Variants in BMP2 observed in about 807,000 individuals in gnomAD.
BMP2 encodes the protein bone morphogenetic protein 2A.
A neutral mutation model predicts 28.8 loss-of-function variants in BMP2; 2 were observed. That is an observed-to-expected ratio of 0.07 (90% CI 0.03 to 0.22). BMP2 has a LOEUF of 0.22. Ranked by LOEUF, BMP2 falls within the 10% of genes least tolerant of loss-of-function variation. The probability of loss-of-function intolerance (pLI) is 1.00; values close to 1 mark genes in which losing one functional copy is unlikely to be tolerated. For synonymous variants in BMP2, 218 were observed against 204.3 expected (o/e 1.07, Z -0.57); for missense variants, 437 against 517.7 (o/e 0.84, Z 1.51).
intron 2 of BMP2, among the ~76,000 whole-genome samples, chr20:6,773,001 C>T (rs1986429942): frequency 6.6e-6 from 1 of 152,152 alleles, no homozygotes; most frequent in Non-Finnish European, 1.5e-5. Flanking sequence ...GTTGGAAACA[C>T]ATTGAAACTG....
chr20:6,770,030 C>A (rs891128844), intron 1 of BMP2, 90 bp from the exon 2 acceptor site: 1 of 1,351,286 alleles, frequency 7.4e-7, no homozygotes, highest in South Asian at 1.4e-5. Context: ...GGAGGAGGCA[C>A]GCCAGCCAAA....
At chr20:6,771,909 A>G (rs1227292042) in intron 2 of BMP2, among the ~76,000 whole-genome samples, 1 of 152,210 alleles carries the variant, frequency 6.6e-6, no homozygotes, top group Non-Finnish European at 1.5e-5. Context: ...TAACCCTGAA[A>G]TGATTATAGA....
chr20:6,775,505 AT>A (rs1302672200), intron 2 of BMP2, among the ~76,000 whole-genome samples: 1 of 152,090 alleles, frequency 6.6e-6, no homozygotes, highest in Non-Finnish European at 1.5e-5. Context: ...CGTATCGCCT[AT>A]TATTATTTGC....
At chr20:6,775,671 T>C (rs1986485871) in intron 2 of BMP2, among the ~76,000 whole-genome samples, 3 of 152,150 alleles carry the variant, frequency 2.0e-5, no homozygotes. Flanking sequence ...TGTCATTTAA[T>C]TTTTTGGGAG....
rs919142059 is a variant in BMP2, at chr20:6,779,824, A to G, written c.*735A>G. 6.6e-5 allele frequency: 10 copies of G among 152,390 alleles called. No homozygotes were observed. In the South Asian group the frequency reaches 8.3e-4, roughly 13 times the overall value. 9.4% of individuals were successfully genotyped at this position (152,390 alleles called of 1,614,324 possible). A position where few individuals can be genotyped will look rare whatever the true frequency, so the allele number is the denominator to read the frequency against. ...TTACAGAAAGAATAAAGCAGGATCC[A>G]TAGAAATAATTAGGAAAACGATGAA... is the stretch of plus-strand genomic sequence containing the variant. On this transcript the variant is annotated 3_prime_UTR_variant, in exon 3 of 3. Transcript: ENST00000378827.
chr20:6,778,663 C>T lies in BMP2; in HGVS notation c.765C>T (p.His255=). The T allele has an allele frequency of 6.2e-7, 1 of 1,614,148 alleles. No individual in the cohort carries two copies. Among genetic ancestry groups the T allele is most frequent in the Non-Finnish European group, 8.5e-7 (1 of 1,180,004 alleles). Residue 255 remains histidine (H), a synonymous_variant, in exon 3 of 3, where the codon CAC becomes CAT. Coordinates refer to ENST00000378827, the MANE Select transcript of BMP2 (RefSeq NM_001200.4). The surrounding 1 kb of genome is among the most constrained non-coding windows in gnomAD (Gnocchi z 5.0). ...GCAGGTCTTTGCACCAAGATGAACACAGCTGGTCACAGATAAGGCCATTGC... is the reference window on the plus strand; with the variant it reads ...GCAGGTCTTTGCACCAAGATGAACATAGCTGGTCACAGATAAGGCCATTGC... ...RISRSLHQDE[H]SWSQIRPLLV... is the part of the protein sequence containing the mutation.
At position 6,768,770 on chromosome 20, in the gene BMP2, C is replaced by T. The variant is rs1282408777; in HGVS notation, c.-113C>T. The T allele has an allele frequency of 2.5e-5, 10 of 398,440 alleles. No homozygotes were observed. The highest frequency in any genetic ancestry group is 1.3e-5 in the Non-Finnish European group (3 of 226,046). 24.7% of individuals were successfully genotyped at this position (398,440 alleles called of 1,614,324 possible). A position where few individuals can be genotyped will look rare whatever the true frequency, so the allele number is the denominator to read the frequency against. On this transcript the variant is annotated 5_prime_UTR_variant, in exon 1 of 3. Transcript: ENST00000378827. ...GGAGGAGGCAAAGAAAAGGAACGGACATTCGGTCCTTGCGCCAGGTCCTTT... is the reference window on the plus strand; with the variant it reads ...GGAGGAGGCAAAGAAAAGGAACGGATATTCGGTCCTTGCGCCAGGTCCTTT...
chr20:6,773,893 A>AT lies in BMP2; in HGVS notation c.346+3427dup, dbSNP rs886367857. 3.0e-4 allele frequency among the ~76,000 whole-genome samples: 45 copies of AT among 151,970 alleles called. No individual in the cohort carries two copies. In the East Asian group the frequency reaches 8.5e-3, roughly 29 times the overall value. On this transcript the variant is annotated intron_variant, in intron 2 of 2. Coordinates refer to ENST00000378827, the MANE Select transcript of BMP2 (RefSeq NM_001200.4). ...TGTTGTTGTTGTTGTTTTACTGGAG[A>AT]TTTTTTAGCCCAAAGTGTGTTTTAA...
At chr20:6,774,025 A>G (rs1252926080) in intron 2 of BMP2, among the ~76,000 whole-genome samples, 1 of 152,184 alleles carries the variant, frequency 6.6e-6, no homozygotes, top group East Asian at 1.9e-4. Context: ...TAAAATAGAC[A>G]CATTCCAGTG....
At position 6,778,919 on chromosome 20, in the gene BMP2, A is replaced by G; in HGVS notation, c.1021A>G (p.Asn341Asp). The part of the protein sequence containing the change: ...FPLADHLNST[N>D]HAIVQTLVNS... ...TCTGGCTGATCATCTGAACTCCACTAATCATGCCATTGTTCAGACGTTGGT... is the reference window on the plus strand; with the variant it reads ...TCTGGCTGATCATCTGAACTCCACTGATCATGCCATTGTTCAGACGTTGGT... Residue 341 changes from asparagine (N) to aspartate (D), a missense_variant, in exon 3 of 3, where the codon AAT (asparagine) becomes GAT (aspartate). This residue lies in a region of BMP2 where 74 missense variants were observed against 124.9 expected (regional missense o/e 0.59). Coordinates refer to ENST00000378827, the MANE Select transcript of BMP2 (RefSeq NM_001200.4). The surrounding 1 kb of genome is among the most constrained non-coding windows in gnomAD (Gnocchi z 5.0). 1 of 1,613,946 alleles carries G rather than the reference A, an allele frequency of 6.2e-7. No homozygotes were observed. The highest frequency in any genetic ancestry group is 8.5e-7 in the Non-Finnish European group (1 of 1,180,002).
intron 2 of BMP2, 130 bp downstream of exon 2, chr20:6,770,602 T>C: frequency 2.3e-6 from 2 of 887,804 alleles, no homozygotes; most frequent in Non-Finnish European, 3.3e-6. Context: ...CTTGCTTCTG[T>C]ACTATCGTTT....
At position 6,779,855 on chromosome 20, in the gene BMP2, A is replaced by C. The variant is rs1986589847; in HGVS notation, c.*766A>C. Reference sequence around the variant, plus strand: ...ATAATTAGGAAAACGATGAACCTGCAGGAAAGTGAATGATGGTTTGTTGTT... The same window carrying C: ...ATAATTAGGAAAACGATGAACCTGCCGGAAAGTGAATGATGGTTTGTTGTT... On this transcript the variant is annotated 3_prime_UTR_variant, in exon 3 of 3. Transcript: ENST00000378827. 2 of 152,336 alleles carry C rather than the reference A, an allele frequency of 1.3e-5. No individual in the cohort carries two copies. Among genetic ancestry groups the C allele is most frequent in the African/African-American group, 4.8e-5 (2 of 41,472 alleles). The allele number at this position is 152,336 out of a possible 1,614,324, so 9.4% of individuals were successfully genotyped here. A position where few individuals can be genotyped will look rare whatever the true frequency, so the allele number is the denominator to read the frequency against.
At position 6,779,039 on chromosome 20, in the gene BMP2, G is replaced by C; in HGVS notation, c.1141G>C (p.Val381Leu). The C allele has an allele frequency of 1.9e-6, 3 of 1,612,994 alleles. No homozygotes were observed. Among genetic ancestry groups the C allele is most frequent in the Non-Finnish European group, 2.5e-6 (3 of 1,179,858 alleles). Reference protein sequence around the residue: ...MLYLDENEKVVLKNYQDMVVE... With the variant: ...MLYLDENEKVLLKNYQDMVVE... ...GTACCTTGACGAGAATGAAAAGGTTGTATTAAAGAACTATCAGGACATGGT... is the reference window on the plus strand; with the variant it reads ...GTACCTTGACGAGAATGAAAAGGTTCTATTAAAGAACTATCAGGACATGGT... Residue 381 changes from valine to leucine, a missense_variant, in exon 3 of 3, where the codon GTA becomes CTA. Transcript: ENST00000378827.
rs112449910 is a variant in BMP2 at position 6,778,819 on chromosome 20, C to T, written c.921C>T (p.Asp307=). Residue 307 remains aspartate (D), a synonymous_variant, in exon 3 of 3, where the codon GAC becomes GAT. Coordinates refer to ENST00000378827, the MANE Select transcript of BMP2 (RefSeq NM_001200.4). The surrounding 1 kb of genome is among the most constrained non-coding windows in gnomAD (Gnocchi z 5.0). ...ACCCTTTGTACGTGGACTTCAGTGA[C>T]GTGGGGTGGAATGACTGGATTGTGG... ...KRHPLYVDFS[D]VGWNDWIVAP... The T allele has an allele frequency of 2.1e-4, 338 of 1,614,096 alleles. No individual in the cohort carries two copies. In the Middle Eastern group the frequency reaches 5.8e-3, roughly 28 times the overall value.
At position 6,778,557 on chromosome 20, in the gene BMP2, G is replaced by T. The variant is rs868190033; in HGVS notation, c.659G>T (p.Gly220Val). ...TPAVMRWTAQ[G>V]HANHGFVVEV... ...GCTGTGATGCGGTGGACTGCACAGG[G>T]ACACGCCAACCATGGATTCGTGGTG... Residue 220 changes from glycine to valine, a missense_variant, in exon 3 of 3, where the codon GGA becomes GTA. Physicochemically the swap from Gly to Val is moderately radical, Grantham distance 109. Around this residue, in one of 2 missense-constraint regions of BMP2, gnomAD observed 363 missense variants for 392.8 expected, o/e 0.92. Transcript: ENST00000378827. This position sits in a 1 kb window ranked among gnomAD's most constrained non-coding sequence, Gnocchi z 5.0. 5.6e-6 allele frequency: 9 copies of T among 1,614,050 alleles called. No homozygotes were observed. Among genetic ancestry groups the T allele is most frequent in the Non-Finnish European group, 7.6e-6 (9 of 1,180,032 alleles).
At chr20:6,771,387 G>T (rs1300863426) in intron 2 of BMP2, among the ~76,000 whole-genome samples, 1 of 152,020 alleles carries the variant, frequency 6.6e-6, no homozygotes, top group African/African-American at 2.4e-5. Flanking sequence ...TGCTTCTTTG[G>T]CTTAATACAT....
In BMP2 at chr20:6,778,392, G is replaced by C; in HGVS notation, c.494G>C (p.Ser165Thr). The C allele has an allele frequency of 2.5e-6, 4 of 1,614,094 alleles. No homozygotes were observed. The highest frequency in any genetic ancestry group is 3.4e-6 in the Non-Finnish European group (4 of 1,179,940). The change falls in exon 3 of 3, where the codon AGC becomes ACC. Residue 165 changes from serine to threonine, a missense_variant. This residue lies in a region of BMP2 where 363 missense variants were observed against 392.8 expected (regional missense o/e 0.92). Coordinates refer to ENST00000378827, the MANE Select transcript of BMP2 (RefSeq NM_001200.4). The surrounding 1 kb of genome is among the most constrained non-coding windows in gnomAD (Gnocchi z 5.0). ...EQMQDALGNN[S>T]SFHHRINIYE... ...ATGCAAGATGCTTTAGGAAACAATA[G>C]CAGTTTCCATCACCGAATTAATATT... is the stretch of plus-strand genomic sequence containing the variant.
At chr20:6,777,231 A>G (rs1182159042) in intron 2 of BMP2, among the ~76,000 whole-genome samples, 2 of 152,186 alleles carry the variant, frequency 1.3e-5, no homozygotes, top group African/African-American at 2.4e-5. Context: ...GCTTTTGTGC[A>G]TGGCCCACTT....
At chr20:6,769,230 C>T (rs933951603) in intron 1 of BMP2, among the ~76,000 whole-genome samples, 1 of 151,930 alleles carries the variant, frequency 6.6e-6, no homozygotes, top group Non-Finnish European at 1.5e-5. Flanking sequence ...TGGGTTTCAC[C>T]CGTTAGCTGA....
Sources: gnomAD v4.1 joint callset for allele counts (sites outside exome capture counted in the v4.1 genomes callset) on GRCh38, gnomAD v4.1.1 for gene constraint, gnomAD v4.1.1 regional missense constraint, Gnocchi (gnomAD v3.1) non-coding constraint, MANE v1.5 for transcripts, NCBI Gene and HGNC (gene_info 2026-07-23, HGNC 2026-07-21) for gene names.